The following SHANK2 variants were observed in gnomAD, a reference collection of about 807,000 sequenced individuals.
SHANK2 encodes SH3 and multiple ankyrin repeat domains 2.
A neutral mutation model predicts 133.7 loss-of-function variants in SHANK2; 43 were observed. That is an observed-to-expected ratio of 0.32 (90% confidence interval 0.25 to 0.41). SHANK2 has a LOEUF of 0.41. Ranked by LOEUF, SHANK2 falls within the 10% of genes least tolerant of loss-of-function variation. The pLI, the probability that SHANK2 is intolerant of heterozygous loss-of-function variation, is 1.00. For synonymous variants in SHANK2, 1,017 were observed against 952.8 expected (o/e 1.07, Z -1.24); for missense variants, 1,994 against 2,235.8 (o/e 0.89, Z 2.18).
intron 15 of SHANK2, 113 bp downstream of exon 15, chr11:70,698,575 G>C: frequency 1.4e-6 from 1 of 704,884 alleles, no homozygotes; most frequent in South Asian, 1.5e-5. Context: ...AACAGGCACA[G>C]GGAGGCAGAC....
At chr11:70,641,714 GA>G (rs2061185490) in intron 17 of SHANK2, among the ~76,000 whole-genome samples, 1 of 152,252 alleles carries the variant, frequency 6.6e-6, no homozygotes, top group Non-Finnish European at 1.5e-5. Flanking sequence ...CCCGACTTGA[GA>G]GGGGCAATAA....
At chr11:70,771,039 C>T (rs1947239724) in intron 14 of SHANK2, among the ~76,000 whole-genome samples, 1 of 151,382 alleles carries the variant, frequency 6.6e-6, no homozygotes, top group Admixed American at 6.6e-5. Flanking sequence ...ATACACCCAC[C>T]TCAGCCTCCT....
At chr11:71,072,746 A>G (rs1375976585) in intron 9 of SHANK2, among the ~76,000 whole-genome samples, 1 of 152,200 alleles carries the variant, frequency 6.6e-6, no homozygotes, top group African/African-American at 2.4e-5. Context: ...GACACAGCCT[A>G]CAGCGTGGAC....
At chr11:70,480,540 T>C (rs2058719805) in intron 25 of SHANK2, among the ~76,000 whole-genome samples, 1 of 152,226 alleles carries the variant, frequency 6.6e-6, no homozygotes, top group Non-Finnish European at 1.5e-5. Context: ...TTTGTCTTAT[T>C]ATTTGTTGTC....
intron 10 of SHANK2, among the ~76,000 whole-genome samples, chr11:70,904,730 A>C (rs1321255354): frequency 6.6e-6 from 1 of 151,814 alleles, no homozygotes; most frequent in African/African-American, 2.4e-5. Flanking sequence ...CTGGTCTCGA[A>C]CTCCTGACCT....
chr11:70,521,263 T>C (rs1330015404), intron 17 of SHANK2, among the ~76,000 whole-genome samples: 1 of 152,232 alleles, frequency 6.6e-6, no homozygotes, highest in Non-Finnish European at 1.5e-5. Context: ...TCTATCCATC[T>C]ATCATTACTT....
At chr11:71,138,906 T>C (rs112817971) in intron 3 of SHANK2, among the ~76,000 whole-genome samples, 3,585 of 149,668 alleles carry the variant, frequency 0.024, 51 homozygotes, top group African/African-American at 0.044. Context: ...TGCCACAGGG[T>C]GAGGCAGCAC....
intron 17 of SHANK2, among the ~76,000 whole-genome samples, chr11:70,657,331 C>A (rs548739968): frequency 7.9e-4 from 120 of 152,324 alleles, no homozygotes; most frequent in Non-Finnish European, 1.3e-3. Context: ...CTATTTCACA[C>A]CATCCCTCCA....
intron 21 of SHANK2, among the ~76,000 whole-genome samples, chr11:70,496,615 A>G (rs1339104808): frequency 6.6e-6 from 1 of 152,172 alleles, no homozygotes; most frequent in Non-Finnish European, 1.5e-5. Context: ...AGCTGGCTGT[A>G]GTAAAGGGAT....
At chr11:70,631,493 T>C (rs1468991556) in intron 17 of SHANK2, among the ~76,000 whole-genome samples, 6 of 151,994 alleles carry the variant, frequency 3.9e-5, no homozygotes, top group Non-Finnish European at 1.5e-5. Context: ...TTCTCCATCA[T>C]GGAGGAGGTC....
chr11:70,611,935 C>G (rs906735594), intron 17 of SHANK2, among the ~76,000 whole-genome samples: 1 of 99,704 alleles, frequency 1.0e-5, no homozygotes, highest in Non-Finnish European at 1.8e-5. Context: ...AGCCTCGTTC[C>G]AAATTTACTT....
At chr11:70,913,956 G>C (rs962727154) in intron 10 of SHANK2, among the ~76,000 whole-genome samples, 1 of 152,214 alleles carries the variant, frequency 6.6e-6, no homozygotes, top group African/African-American at 2.4e-5. Flanking sequence ...GCTGGCATCA[G>C]GGTGTTCTCG....
chr11:70,779,227 G>A (rs996160403), intron 14 of SHANK2, among the ~76,000 whole-genome samples: 2 of 151,484 alleles, frequency 1.3e-5, no homozygotes, highest in South Asian at 4.2e-4. Context: ...TCACGGCAGC[G>A]AGGCTCTGAG....
intron 17 of SHANK2, among the ~76,000 whole-genome samples, chr11:70,505,362 G>A (rs941810213): frequency 2.0e-5 from 3 of 152,104 alleles, no homozygotes; most frequent in South Asian, 2.1e-4. Flanking sequence ...GGGGGGCACC[G>A]AGACACTGGG....
At chr11:70,601,441 T>A (rs2060495933) in intron 17 of SHANK2, among the ~76,000 whole-genome samples, 1 of 152,110 alleles carries the variant, frequency 6.6e-6, no homozygotes, top group African/African-American at 2.4e-5. Context: ...GATGGTCTTA[T>A]CTCTTGACCT....
intron 14 of SHANK2, among the ~76,000 whole-genome samples, chr11:70,722,030 T>C (rs1178416598): frequency 6.6e-6 from 1 of 152,168 alleles, no homozygotes; most frequent in African/African-American, 2.4e-5. Context: ...ATCCATCCCA[T>C]CCTTTGTTTT....
In SHANK2 at chr11:70,787,480, C is replaced by T. The variant is rs575017872; in HGVS notation, c.1777+10963G>A. ...CCACTAGGATCACCACTATCATCAC[C>T]GTGACCACCACCACCAGCATCACCA... On this transcript the variant is annotated intron_variant, in intron 14 of 25. Coordinates refer to ENST00000601538, the MANE Select transcript of SHANK2 (RefSeq NM_012309.5). Among the ~76,000 whole-genome samples, 9 of 148,606 alleles carry T rather than the reference C, an allele frequency of 6.1e-5. No homozygotes were observed. In the East Asian group the frequency reaches 8.1e-4, roughly 13 times the overall value.
chr11:71,113,987 G>A (rs190138112), intron 4 of SHANK2, among the ~76,000 whole-genome samples: 5 of 152,166 alleles, frequency 3.3e-5, no homozygotes, highest in Admixed American at 3.3e-4. Context: ...GGCTTGGTGA[G>A]ACTCTAAAAT....
chr11:70,787,143 T>C (rs1404360294), intron 14 of SHANK2, among the ~76,000 whole-genome samples: 11 of 98,040 alleles, frequency 1.1e-4, no homozygotes, highest in African/African-American at 2.1e-4. Flanking sequence ...ATCACCAAGA[T>C]CACCACCACC....
Sources: gnomAD v4.1 joint callset for allele counts (sites outside exome capture counted in the v4.1 genomes callset) on GRCh38, gnomAD v4.1.1 for gene constraint, MANE v1.5 for transcripts, NCBI Gene and HGNC (gene_info 2026-07-23, HGNC 2026-07-21) for gene names.